Variants in RABGEF1 observed in about 807,000 individuals in gnomAD.
The protein encoded by RABGEF1 is RAB guanine nucleotide exchange factor 1, also known as rab5 GDP/GTP exchange factor.
In RABGEF1, 26 loss-of-function variants were observed where a neutral mutation model predicts 57.3. That is an observed-to-expected ratio of 0.45 (90% CI 0.33 to 0.63). The LOEUF is 0.63. Ranked by LOEUF, RABGEF1 falls within the 20% of genes least tolerant of loss-of-function variation. The pLI is 0.02. For synonymous variants in RABGEF1, 185 were observed against 210.7 expected, an observed-to-expected ratio of 0.88 and a Z score of 1.06; for missense variants, 464 against 607.6, an observed-to-expected ratio of 0.76 and a Z score of 2.48.
intron 3 of RABGEF1, among the ~76,000 whole-genome samples, chr7:66,780,220 A>C (rs2129134988): frequency 6.6e-6 from 1 of 152,280 alleles, no homozygotes; most frequent in East Asian, 1.9e-4. Flanking sequence ...CCTCTGGCTT[A>C]CTGAGGTAGT....
At chr7:66,666,173 G>A in the RABGEF1 span, 2 of 152,434 alleles carry the variant, frequency 1.3e-5, no homozygotes, top group South Asian at 4.1e-4. Flanking sequence ...GAGTACCCGG[G>A]AAGCTGGGAT....
chr7:66,773,989 G>C, intron 2 of RABGEF1: 1 of 337,046 alleles, frequency 3.0e-6, no homozygotes, highest in South Asian at 2.2e-5. Flanking sequence ...TAATACAGGT[G>C]GTTCACATGC....
chr7:66,795,484 A>G (rs765656729), intron 4 of RABGEF1, 27 bp from the exon 5 acceptor site: 14 of 1,562,462 alleles, frequency 9.0e-6, no homozygotes, highest in Non-Finnish European at 1.2e-5. Context: ...TTCAGCTACA[A>G]GCAGCCTCTT....
intron 2 of RABGEF1, among the ~76,000 whole-genome samples, chr7:66,716,640 TGTATA>T (rs1242977712): frequency 6.6e-6 from 1 of 152,082 alleles, no homozygotes; most frequent in Non-Finnish European, 1.5e-5. Flanking sequence ...AGCAACAAAA[TGTATA>T]GTCATGTCTT....
chr7:66,784,694 A>G lies in RABGEF1; in HGVS notation c.513+853A>G, dbSNP rs578055406. Reference sequence around the variant, plus strand: ...GGCTAATAAGCAGTGGACTTGTGTCAAAATAATTTTTAGATATTGAATTCA... The same window carrying G: ...GGCTAATAAGCAGTGGACTTGTGTCGAAATAATTTTTAGATATTGAATTCA... On this transcript the variant is annotated intron_variant, in intron 4 of 8. Coordinates refer to ENST00000284957, the MANE Select transcript of RABGEF1 (RefSeq NM_014504.3). Among the ~76,000 whole-genome samples the G allele has an allele frequency of 5.9e-4, 90 of 152,354 alleles. No homozygotes were observed. The South Asian group carries it at 0.012, about 20-fold the overall frequency.
chr7:66,663,403 A>G, the RABGEF1 span, among the ~76,000 whole-genome samples: 2 of 152,114 alleles, frequency 1.3e-5, no homozygotes, highest in African/African-American at 4.8e-5. Flanking sequence ...TGGTCTCAGC[A>G]CTGGTCTCTA....
chr7:66,777,555 A>C (rs1808836026), intron 3 of RABGEF1, among the ~76,000 whole-genome samples: 4 of 152,142 alleles, frequency 2.6e-5, no homozygotes, highest in Admixed American at 1.3e-4. Context: ...CTGTGTCCCA[A>C]AAGCCTCTGT....
chr7:66,688,233 T>G (rs1176811670), intron 1 of RABGEF1, among the ~76,000 whole-genome samples: 3 of 152,038 alleles, frequency 2.0e-5, no homozygotes, highest in Admixed American at 1.3e-4. Flanking sequence ...ATATAACAAT[T>G]TAAACATATA....
At chr7:66,743,398 C>T (rs1799466541) in intron 1 of RABGEF1, among the ~76,000 whole-genome samples, 1 of 151,908 alleles carries the variant, frequency 6.6e-6, no homozygotes, top group South Asian at 2.1e-4. Flanking sequence ...GAACACAGCT[C>T]ACTGTAGCCT....
At chr7:66,753,459 C>T (rs1801910707) in intron 1 of RABGEF1, among the ~76,000 whole-genome samples, 1 of 152,118 alleles carries the variant, frequency 6.6e-6, no homozygotes, top group Non-Finnish European at 1.5e-5. Flanking sequence ...TACAGGCATA[C>T]TTTGGAGATA....
chr7:66,696,229 C>A (rs977023263), intron 1 of RABGEF1, among the ~76,000 whole-genome samples: 2 of 152,034 alleles, frequency 1.3e-5, no homozygotes, highest in Non-Finnish European at 2.9e-5. Context: ...CCATGCCTGG[C>A]TAATTTTTAT....
the RABGEF1 span, among the ~76,000 whole-genome samples, chr7:66,664,659 G>A: frequency 1.3e-5 from 2 of 152,168 alleles, no homozygotes; most frequent in African/African-American, 4.8e-5. Context: ...TGCAGCCCCC[G>A]CCTCCCCCTG....
intron 1 of RABGEF1, among the ~76,000 whole-genome samples, chr7:66,684,686 G>A (rs1399109791): frequency 3.3e-5 from 5 of 152,150 alleles, no homozygotes. Flanking sequence ...CCAGGCTGGA[G>A]TGCAGTGGCC....
intron 1 of RABGEF1, among the ~76,000 whole-genome samples, chr7:66,758,168 CAAG>C (rs1242801986): frequency 2.6e-5 from 4 of 152,108 alleles, no homozygotes; most frequent in African/African-American, 7.2e-5. Context: ...AGCGGACCGC[CAAG>C]AAGGATAGAG....
At chr7:66,691,298 T>C (rs1241240497) in intron 1 of RABGEF1, among the ~76,000 whole-genome samples, 1 of 151,920 alleles carries the variant, frequency 6.6e-6, no homozygotes, top group Non-Finnish European at 1.5e-5. Context: ...ATTAAAAATA[T>C]ACATCTACAC....
At chr7:66,738,731 C>CAAAAAAAAA (rs546724986), upstream of RABGEF1, among the ~76,000 whole-genome samples, 6 of 94,960 alleles carry the variant, frequency 6.3e-5, no homozygotes, top group Admixed American at 1.1e-4. Flanking sequence ...GACTCTAACT[C>CAAAAAAAAA]AAAAAAAAAA....
upstream of RABGEF1, among the ~76,000 whole-genome samples, chr7:66,679,888 A>C (rs1003717493): frequency 6.6e-6 from 1 of 152,122 alleles, no homozygotes; most frequent in African/African-American, 2.4e-5. Flanking sequence ...GCTCTACCCC[A>C]AAAACTAGCT....
the RABGEF1 span, among the ~76,000 whole-genome samples, chr7:66,665,881 C>T: frequency 2.0e-5 from 3 of 152,126 alleles, no homozygotes; most frequent in South Asian, 2.1e-4. Flanking sequence ...GATTTCATTC[C>T]GGTGTGATGA....
intron 2 of RABGEF1, among the ~76,000 whole-genome samples, chr7:66,772,640 G>T (rs1807425429): frequency 6.6e-6 from 1 of 152,162 alleles, no homozygotes; most frequent in Non-Finnish European, 1.5e-5. Flanking sequence ...CGGGCGCAGT[G>T]GCTCACGCCT....
Sources: allele counts gnomAD v4.1 joint callset (sites outside exome capture counted in the v4.1 genomes callset), GRCh38; gene constraint gnomAD v4.1.1; transcripts MANE v1.5; gene names NCBI Gene and HGNC (gene_info 2026-07-23, HGNC 2026-07-21).